The following ALDH2 variants were observed in gnomAD, a reference collection of about 807,000 sequenced individuals.
ALDH2 encodes the protein aldehyde dehydrogenase 2 family member, also known as aldehyde dehydrogenase, mitochondrial.
ALDH2 carries 44 observed loss-of-function variants against 59.6 expected under a neutral mutation model. The ratio of observed to expected loss-of-function variants is 0.74; its 90% confidence interval spans 0.58 to 0.95. The LOEUF (loss-of-function observed/expected upper bound fraction) is 0.95. ALDH2 is among the 40% of genes least tolerant of loss of function. The probability of loss-of-function intolerance (pLI) is 0.00; values close to 1 mark genes in which losing one functional copy is unlikely to be tolerated. For missense variants in ALDH2, 570 were observed against 696.3 expected, an observed-to-expected ratio of 0.82 and a Z score of 2.04; for synonymous variants, 291 against 284.0, an observed-to-expected ratio of 1.02 and a Z score of -0.25.
At chr12:111,780,432 C>G (rs987016007) in intron 1 of ALDH2, among the ~76,000 whole-genome samples, 1 of 152,188 alleles carries the variant, frequency 6.6e-6, no homozygotes, top group Non-Finnish European at 1.5e-5. Context: ...CTCTGGCCAC[C>G]TTTGCTTTTT....
chr12:111,801,230 T>G (rs1390033940), intron 11 of ALDH2, among the ~76,000 whole-genome samples: 3 of 152,158 alleles, frequency 2.0e-5, no homozygotes, highest in Non-Finnish European at 4.4e-5. Flanking sequence ...ACTTACTCAC[T>G]GTCACAAGAA....
At position 111,799,705 on chromosome 12, in the gene ALDH2, C is replaced by T. The variant is rs79323183; in HGVS notation, c.1249-201C>T. ...GGGATACTGTATGTAAAGCCCGGGG[C>T]GCACAGGAGGAAGTTGGCCCCTGTT... On this transcript the variant is annotated intron_variant, in intron 10 of 12. Transcript: ENST00000261733. The T allele has an allele frequency of 6.1e-3, 3,129 of 516,138 alleles. 84 individuals are homozygous for T. The highest frequency in any genetic ancestry group is 0.053 in the African/African-American group (2,786 of 52,790). 32.0% of individuals were successfully genotyped at this position (516,138 alleles called of 1,614,324 possible).
rs1023189945 is a variant in ALDH2 at position 111,813,771 on chromosome 12, A to G, written c.*4196A>G. 1 of 152,232 alleles carries G rather than the reference A, an allele frequency of 6.6e-6. No homozygotes were observed. 9.4% of individuals were successfully genotyped at this position (152,232 alleles called of 1,614,324 possible). The stretch of plus-strand genomic sequence containing the variant: ...AAATATCCAGAACAGGCAAATCTAT[A>G]TAGAGAGAAGGTCGATTGCTGGGGG... On this transcript the variant is annotated 3_prime_UTR_variant, in exon 13 of 13. Transcript: ENST00000261733.
Position 111,791,377 on chromosome 12 carries a change from C to T in ALDH2, c.753C>T (p.Ser251=), listed in dbSNP as rs1293308787. The change falls in exon 7 of 13, where the codon TCC becomes TCT. Residue 251 remains serine, a synonymous_variant. Coordinates refer to ENST00000261733, the MANE Select transcript of ALDH2 (RefSeq NM_000690.4). ...CCACGGCTGGGGCCGCCATTGCCTC[C>T]CATGAGGATGTGGACAAAGTGGCAT... ...FGPTAGAAIA[S]HEDVDKVAFT... 3 of 1,614,010 alleles carry T rather than the reference C, an allele frequency of 1.9e-6. No homozygotes were observed. Among genetic ancestry groups the T allele is most frequent in the African/African-American group, 1.3e-5 (1 of 74,934 alleles).
chr12:111,774,145 G>A (rs1327010912), intron 1 of ALDH2, among the ~76,000 whole-genome samples: 1 of 152,114 alleles, frequency 6.6e-6, no homozygotes, highest in South Asian at 2.1e-4. Flanking sequence ...TCTTTGAAGT[G>A]GTGAAAAAAG....
At chr12:111,790,923 C>T (rs2068353268) in intron 6 of ALDH2, among the ~76,000 whole-genome samples, 1 of 152,102 alleles carries the variant, frequency 6.6e-6, no homozygotes, top group Admixed American at 6.6e-5. Flanking sequence ...GTGGCATGCA[C>T]CTGTAGTCCC....
In ALDH2 at chr12:111,809,684, T is replaced by G; in HGVS notation, c.*109T>G. 7.9e-7 allele frequency: 1 copy of G among 1,266,876 alleles called. No homozygotes were observed. The highest frequency in any genetic ancestry group is 1.3e-5 in the South Asian group (1 of 77,912). 78.5% of individuals were successfully genotyped at this position (1,266,876 alleles called of 1,614,324 possible). ...GCTGAATATCTGAAAAGAGAAATTTTTCCTACAAAATCTCTTGGGTCAAGA... is the reference window on the plus strand; with the variant it reads ...GCTGAATATCTGAAAAGAGAAATTTGTCCTACAAAATCTCTTGGGTCAAGA... On this transcript the variant is annotated 3_prime_UTR_variant, in exon 13 of 13. Transcript: ENST00000261733.
chr12:111,792,589 T>TGC lies in ALDH2; in HGVS notation c.899-9_899-8insGC. On this transcript the variant is annotated splice_polypyrimidine_tract_variant and intron_variant, in intron 8 of 12. Coordinates refer to ENST00000261733, the MANE Select transcript of ALDH2 (RefSeq NM_000690.4). ...TGTCACCTTTCTGTCTCCTGCCCAC[T>TGC]TCCCGCAGTGGATTGGGCCGTGGAA... 1 of 1,608,830 alleles carries TGC rather than the reference T, an allele frequency of 6.2e-7. No individual in the cohort carries two copies. The highest frequency in any genetic ancestry group is 2.2e-5 in the East Asian group (1 of 44,810).
intron 1 of ALDH2, among the ~76,000 whole-genome samples, chr12:111,773,917 A>C (rs903142002): frequency 6.6e-6 from 1 of 152,222 alleles, no homozygotes; most frequent in Non-Finnish European, 1.5e-5. Context: ...AGTGAGGTAA[A>C]GGGTTGCTTA....
rs2068527839 is a variant in ALDH2, at chr12:111,810,464, ATGTTTCATGCATTTAATT to A, written c.*906_*923del. The A allele has an allele frequency of 6.6e-6, 1 of 152,150 alleles. No individual in the cohort carries two copies. The highest frequency in any genetic ancestry group is 6.6e-5 in the Admixed American group (1 of 15,250). 9.4% of individuals were successfully genotyped at this position (152,150 alleles called of 1,614,324 possible). The stretch of plus-strand genomic sequence containing the variant: ...ATTACACCAATAAGAATGTGCTTGA[ATGTTTCATGCATTTAATT>A]TGTTTCATGCATTTAACTTCTGGCC... On this transcript the variant is annotated 3_prime_UTR_variant, in exon 13 of 13. Coordinates refer to ENST00000261733, the MANE Select transcript of ALDH2 (RefSeq NM_000690.4).
chr12:111,792,129 G>C lies in ALDH2; in HGVS notation c.864G>C (p.Gly288=), dbSNP rs1555263151. The change falls in exon 8 of 13, where the codon GGG becomes GGC. Residue 288 remains glycine, a synonymous_variant. Coordinates refer to ENST00000261733, the MANE Select transcript of ALDH2 (RefSeq NM_000690.4). ...NLKRVTLELG[G]KSPNIIMSDA... The stretch of plus-strand genomic sequence containing the variant: ...AGAGAGTGACCTTGGAGCTGGGGGG[G>C]AAGAGCCCCAACATCATCATGTCAG... The C allele has an allele frequency of 6.2e-7, 1 of 1,607,572 alleles. No individual in the cohort carries two copies. The highest frequency in any genetic ancestry group is 8.5e-7 in the Non-Finnish European group (1 of 1,178,402).
chr12:111,787,373 C>T (rs548816134), intron 4 of ALDH2, among the ~76,000 whole-genome samples: 1 of 152,266 alleles, frequency 6.6e-6, no homozygotes, highest in South Asian at 2.1e-4. Flanking sequence ...ACCTGGTAGC[C>T]CACACCACCT....
intron 4 of ALDH2, among the ~76,000 whole-genome samples, chr12:111,786,383 C>T (rs1282500618): frequency 1.3e-5 from 2 of 151,320 alleles, no homozygotes; most frequent in Non-Finnish European, 2.9e-5. Flanking sequence ...ACTACAGGCG[C>T]CCGCCACCAT....
In ALDH2 at chr12:111,798,042, C is replaced by T. The variant is rs149824295; in HGVS notation, c.1084-36C>T. On this transcript the variant is annotated intron_variant, in intron 9 of 12. Coordinates refer to ENST00000261733, the MANE Select transcript of ALDH2 (RefSeq NM_000690.4). ...CTGAAGCCTAGGAGAGGTCTGAATC[C>T]GATGTCTCCATAACTCTGGGTTCCT... 6,823 of 1,613,398 alleles carry T rather than the reference C, an allele frequency of 4.2e-3. 45 individuals carry two copies. The highest frequency in any genetic ancestry group is 0.015 in the Middle Eastern group (92 of 6,062).
intron 4 of ALDH2, among the ~76,000 whole-genome samples, chr12:111,787,595 T>A (rs888731185): frequency 6.6e-6 from 1 of 151,770 alleles, no homozygotes; most frequent in East Asian, 1.9e-4. Flanking sequence ...AGAGTAGAGG[T>A]TGGACAAGAA....
At chr12:111,804,012 G>A (rs2068474152) in intron 12 of ALDH2, 39 bp downstream of exon 12, 6 of 1,499,254 alleles carry the variant, frequency 4.0e-6, no homozygotes, top group Non-Finnish European at 5.5e-6. Context: ...GGCCTGTTGG[G>A]GCTTGAGGGT....
intron 1 of ALDH2, among the ~76,000 whole-genome samples, chr12:111,776,303 A>G (rs2068234356): frequency 6.6e-6 from 1 of 152,242 alleles, no homozygotes; most frequent in African/African-American, 2.4e-5. Context: ...AGAGAGCTGC[A>G]GGATCTAGAA....
At position 111,789,843 on chromosome 12, in the gene ALDH2, A is replaced by G. The variant is rs1409097813; in HGVS notation, c.461A>G (p.Asp154Gly). 13 of 1,614,024 alleles carry G rather than the reference A, an allele frequency of 8.1e-6. No homozygotes were observed. The Admixed American group carries it at 1.5e-4, about 19-fold the overall frequency. Residue 154 changes from aspartate (D) to glycine (G), a missense_variant, in exon 5 of 13, where the codon GAT becomes GGT. By Grantham distance (94) the Asp-to-Gly change is moderately conservative. Coordinates refer to ENST00000261733, the MANE Select transcript of ALDH2 (RefSeq NM_000690.4). ...TAAAGGTATTATGCCGGCTGGGCTGATAAGTACCACGGGAAAACCATCCCC... is the reference window on the plus strand; with the variant it reads ...TAAAGGTATTATGCCGGCTGGGCTGGTAAGTACCACGGGAAAACCATCCCC... ...KCLRYYAGWA[D>G]KYHGKTIPID...
intron 5 of ALDH2, 97 bp downstream of exon 5, chr12:111,790,031 C>G: frequency 8.6e-7 from 1 of 1,162,710 alleles, no homozygotes; most frequent in Admixed American, 2.2e-5. Flanking sequence ...CGGAAGGCAG[C>G]CTGGGTGGCA....
Sources: allele counts gnomAD v4.1 joint callset (sites outside exome capture counted in the v4.1 genomes callset), GRCh38; gene constraint gnomAD v4.1.1; transcripts MANE v1.5; gene names NCBI Gene and HGNC (gene_info 2026-07-23, HGNC 2026-07-21).